The following PDE3A variants were observed in gnomAD, a reference collection of about 807,000 sequenced individuals.
The protein encoded by PDE3A is cGMP-inhibited 3',5'-cyclic phosphodiesterase 3A.
PDE3A carries 43 observed loss-of-function variants against 98.3 expected under a neutral mutation model. That is an observed-to-expected ratio of 0.44 (90% confidence interval 0.34 to 0.56). PDE3A has a LOEUF of 0.56. Among genes scored for constraint, PDE3A ranks in the 20% least tolerant of loss-of-function variants. The pLI is 0.01. For missense variants in PDE3A, 1,427 were observed against 1,440.7 expected (o/e 0.99, Z 0.15); for synonymous variants, 663 against 567.9 (o/e 1.17, Z -2.38).
chr12:20,413,712 C>G (rs1944373272), intron 1 of PDE3A, among the ~76,000 whole-genome samples: 1 of 152,046 alleles, frequency 6.6e-6, no homozygotes, highest in South Asian at 2.1e-4. Flanking sequence ...TTAAAGGAAG[C>G]TATTTAAAGG....
chr12:20,377,855 T>A (rs1041175107), intron 1 of PDE3A, among the ~76,000 whole-genome samples: 3 of 151,814 alleles, frequency 2.0e-5, no homozygotes, highest in Middle Eastern at 3.4e-3. Context: ...CCTTTAGGAG[T>A]TTGGTATGTA....
In PDE3A at chr12:20,537,298, T is replaced by C. The variant is rs377323090; in HGVS notation, c.961-19362T>C. ...AGAGTTCTGTATTTCATATACAAGC[T>C]TTCTGGTATAAGTCTCATATCAGAT... On this transcript the variant is annotated intron_variant, in intron 1 of 15. Transcript: ENST00000359062. Among the ~76,000 whole-genome samples, 19 of 152,262 alleles carry C rather than the reference T, an allele frequency of 1.2e-4. No homozygotes were observed. In the East Asian group the frequency reaches 3.5e-3, roughly 28 times the overall value.
rs1300037985 is a variant in PDE3A, at chr12:20,369,216, C to T, written c.-69C>T. The T allele has an allele frequency of 4.3e-6, 5 of 1,152,094 alleles. No homozygotes were observed. The highest frequency in any genetic ancestry group is 2.7e-4 in the Middle Eastern group (1 of 3,648). 71.4% of individuals were successfully genotyped at this position (1,152,094 alleles called of 1,614,324 possible). On this transcript the variant is annotated 5_prime_UTR_variant, in exon 1 of 16. Transcript: ENST00000359062. ...GTGTGTGTGTGTGTGTGTGTGCGCG[C>T]GCGCGCGTGGGTCGGGGCGGGGGCG...
chr12:20,612,815 A>C (rs1216429532), intron 2 of PDE3A, among the ~76,000 whole-genome samples: 1 of 151,300 alleles, frequency 6.6e-6, no homozygotes, highest in African/African-American at 2.4e-5. Flanking sequence ...CAGAGTAATG[A>C]CTCTGCTCTG....
At chr12:20,615,704 A>C (rs1250778996) in intron 3 of PDE3A, among the ~76,000 whole-genome samples, 1 of 151,780 alleles carries the variant, frequency 6.6e-6, no homozygotes, top group Admixed American at 6.6e-5. Context: ...TGAAATAAAG[A>C]CCCTAAAAGG....
intron 1 of PDE3A, among the ~76,000 whole-genome samples, chr12:20,387,060 T>A (rs984808600): frequency 6.6e-6 from 1 of 152,048 alleles, no homozygotes; most frequent in African/African-American, 2.4e-5. Flanking sequence ...TTTTGTCAGG[T>A]TTGTTGAAGA....
chr12:20,599,567 C>A (rs1445984011), intron 2 of PDE3A, among the ~76,000 whole-genome samples: 2 of 152,134 alleles, frequency 1.3e-5, no homozygotes, highest in Admixed American at 6.6e-5. Flanking sequence ...TAACTTCTCA[C>A]CTATAAATCT....
intron 15 of PDE3A, among the ~76,000 whole-genome samples, chr12:20,673,783 G>T (rs1945556855): frequency 6.7e-6 from 1 of 149,920 alleles, no homozygotes; most frequent in Admixed American, 6.7e-5. Context: ...CACCAGCATG[G>T]CACATGTATA....
chr12:20,544,564 G>A (rs1339440971), intron 1 of PDE3A, among the ~76,000 whole-genome samples: 1 of 151,778 alleles, frequency 6.6e-6, no homozygotes, highest in Non-Finnish European at 1.5e-5. Context: ...TTCTCCTTAT[G>A]AATATACTTC....
chr12:20,636,429 T>C (rs571675731), intron 8 of PDE3A, among the ~76,000 whole-genome samples: 1 of 152,182 alleles, frequency 6.6e-6, no homozygotes, highest in East Asian at 1.9e-4. Context: ...CTCTTTCTTC[T>C]TTTTTGGCAA....
At chr12:20,668,632 G>A (rs527967599) in intron 15 of PDE3A, among the ~76,000 whole-genome samples, 2 of 152,174 alleles carry the variant, frequency 1.3e-5, no homozygotes, top group East Asian at 3.9e-4. Context: ...ACCTGCAGCT[G>A]AGGGTCCTGT....
intron 1 of PDE3A, among the ~76,000 whole-genome samples, chr12:20,500,738 C>A (rs979352988): frequency 1.3e-5 from 2 of 149,248 alleles, no homozygotes; most frequent in Non-Finnish European, 3.0e-5. Context: ...AAAAATTGAT[C>A]GATGTGTAAG....
At chr12:20,630,563 G>A (rs1944355399) in intron 6 of PDE3A, among the ~76,000 whole-genome samples, 1 of 152,150 alleles carries the variant, frequency 6.6e-6, no homozygotes, top group Non-Finnish European at 1.5e-5. Context: ...ATTTTAAAAT[G>A]TGTGAATAAT....
At chr12:20,441,103 G>A (rs998580066) in intron 1 of PDE3A, among the ~76,000 whole-genome samples, 1 of 152,144 alleles carries the variant, frequency 6.6e-6, no homozygotes, top group Non-Finnish European at 1.5e-5. Flanking sequence ...GAGTATAATG[G>A]ATACATAAGA....
At chr12:20,404,412 C>A (rs1944191995) in intron 1 of PDE3A, among the ~76,000 whole-genome samples, 1 of 151,840 alleles carries the variant, frequency 6.6e-6, no homozygotes. Context: ...AAGCCATATA[C>A]TGTAGGTTAA....
At chr12:20,606,062 T>G (rs752046708) in intron 2 of PDE3A, among the ~76,000 whole-genome samples, 9 of 152,016 alleles carry the variant, frequency 5.9e-5, no homozygotes, top group African/African-American at 2.4e-5. Context: ...GGATGCATTA[T>G]CTTCATCTAC....
intron 1 of PDE3A, among the ~76,000 whole-genome samples, chr12:20,458,013 T>A (rs1040279857): frequency 6.6e-6 from 1 of 152,134 alleles, no homozygotes; most frequent in Non-Finnish European, 1.5e-5. Flanking sequence ...TTTACCTTTT[T>A]TCTTCAAAAA....
rs1945991844 is a variant in PDE3A at position 20,687,257 on chromosome 12, G to T, written c.*6986G>T. Among the ~76,000 whole-genome samples, 1 of 151,954 alleles carries T rather than the reference G, an allele frequency of 6.6e-6. No individual in the cohort carries two copies. Among genetic ancestry groups the T allele is most frequent in the South Asian group, 2.1e-4 (1 of 4,820 alleles). On this transcript the variant is annotated 3_prime_UTR_variant, in exon 16 of 16. Coordinates refer to ENST00000359062, the MANE Select transcript of PDE3A (RefSeq NM_000921.5). ...CCTTTTCTTTTTAAAATTCCCAACT[G>T]ATTATGGGTCAAAAACTCCATCTTA...
At chr12:20,532,977 G>T (rs751409640) in intron 1 of PDE3A, among the ~76,000 whole-genome samples, 3 of 148,618 alleles carry the variant, frequency 2.0e-5, no homozygotes, top group African/African-American at 7.4e-5. Context: ...CGCCCGGCCA[G>T]TTTCTTTTTA....
Sources: allele counts gnomAD v4.1 joint callset (sites outside exome capture counted in the v4.1 genomes callset), GRCh38; gene constraint gnomAD v4.1.1; transcripts MANE v1.5; gene names NCBI Gene and HGNC (gene_info 2026-07-23, HGNC 2026-07-21).